The following CACNG2 variants were observed in gnomAD, a reference collection of about 807,000 sequenced individuals.
CACNG2 encodes the protein voltage-dependent calcium channel gamma-2 subunit.
CACNG2 carries 3 observed loss-of-function variants against 25.9 expected under a neutral mutation model. That is an observed-to-expected ratio of 0.12 (90% CI 0.05 to 0.30). The LOEUF (loss-of-function observed/expected upper bound fraction) is 0.30, where lower values mean the gene tolerates loss of function less well. Among genes scored for constraint, CACNG2 ranks in the 10% least tolerant of loss-of-function variants. CACNG2 has a pLI of 1.00. For synonymous variants in CACNG2, 167 were observed against 173.3 expected (o/e 0.96, Z 0.29); for missense variants, 341 against 432.5 (o/e 0.79, Z 1.88).
intron 1 of CACNG2, among the ~76,000 whole-genome samples, chr22:36,592,507 A>G (rs749967109): frequency 3.3e-5 from 5 of 152,174 alleles, no homozygotes; most frequent in Non-Finnish European, 7.3e-5. Flanking sequence ...ACAAATTAAT[A>G]GATAAGGCAA....
Position 36,566,375 on chromosome 22 carries a change from G to A in CACNG2, c.414C>T (p.Ala138=), listed in dbSNP as rs750725556. 1.9e-6 allele frequency: 3 copies of A among 1,614,024 alleles called. No homozygotes were observed. Among genetic ancestry groups the A allele is most frequent in the South Asian group, 1.1e-5 (1 of 91,092 alleles). The change falls in exon 3 of 4, where the codon GCC becomes GCT. Residue 138 remains alanine (A), a synonymous_variant. Coordinates refer to ENST00000300105, the MANE Select transcript of CACNG2 (RefSeq NM_006078.5). The part of the protein sequence containing the change: ...YKTRHNIILS[A]GIFFVSAGLS... Reference sequence around the variant, plus strand: ...TACCTGCAGACACGAAGAAGATGCCGGCACTCAGGATGATGTTGTGTCGAG... The same window carrying A: ...TACCTGCAGACACGAAGAAGATGCCAGCACTCAGGATGATGTTGTGTCGAG...
intron 1 of CACNG2, among the ~76,000 whole-genome samples, chr22:36,622,271 A>T (rs1010350044): frequency 9.9e-5 from 15 of 152,240 alleles, no homozygotes; most frequent in African/African-American, 3.6e-4. Context: ...CTCAATTATT[A>T]GTGTGCCATG....
intron 2 of CACNG2, among the ~76,000 whole-genome samples, chr22:36,575,782 T>C (rs1358751316): frequency 6.6e-6 from 1 of 152,170 alleles, no homozygotes; most frequent in African/African-American, 2.4e-5. Context: ...AGTAATGACC[T>C]TGAATCAAAA....
In CACNG2 at chr22:36,659,455, G is replaced by A. The variant is rs538649649; in HGVS notation, c.211+42911C>T. ...CTGTTTCACGTTACTTATTTCATGT[G>A]AGGAAACTGAGGCTCAGAGAGGCAA... On this transcript the variant is annotated intron_variant, in intron 1 of 3. Transcript: ENST00000300105. Among the ~76,000 whole-genome samples, 88 of 152,234 alleles carry A rather than the reference G, an allele frequency of 5.8e-4. 1 individual carries two copies. The highest frequency in any genetic ancestry group is 9.7e-4 in the Non-Finnish European group (66 of 67,998).
intron 1 of CACNG2, among the ~76,000 whole-genome samples, chr22:36,646,807 C>G (rs1021140287): frequency 1.3e-5 from 2 of 151,770 alleles, no homozygotes; most frequent in African/African-American, 4.8e-5. Context: ...TCTGGGCTCC[C>G]ATAGTATTTT....
intron 1 of CACNG2, among the ~76,000 whole-genome samples, chr22:36,676,215 C>T (rs1354182327): frequency 6.6e-6 from 1 of 152,234 alleles, no homozygotes; most frequent in East Asian, 1.9e-4. Flanking sequence ...CTTGCTCTCT[C>T]TGTAGCTGTG....
intron 1 of CACNG2, among the ~76,000 whole-genome samples, chr22:36,636,862 C>G (rs936158061): frequency 6.6e-6 from 1 of 152,254 alleles, no homozygotes. Flanking sequence ...ACTTGGAAAT[C>G]TCAGGCCTTG....
At chr22:36,566,308 C>A (rs368362923) in intron 3 of CACNG2, 45 bp downstream of exon 3, 2 of 1,607,326 alleles carry the variant, frequency 1.2e-6, no homozygotes, top group African/African-American at 2.7e-5. Flanking sequence ...AGCACCCACA[C>A]CCCAGCCTTC....
At chr22:36,683,033 C>T (rs1188920860) in intron 1 of CACNG2, among the ~76,000 whole-genome samples, 3 of 152,208 alleles carry the variant, frequency 2.0e-5, no homozygotes, top group African/African-American at 2.4e-5. Context: ...GCTCTTACAG[C>T]CAACTAGCTC....
chr22:36,564,906 G>A lies in CACNG2; in HGVS notation c.437-20C>T, dbSNP rs757373440. On this transcript the variant is annotated intron_variant, in intron 3 of 3. Coordinates refer to ENST00000300105, the MANE Select transcript of CACNG2 (RefSeq NM_006078.5). The surrounding 1 kb of genome is among the most constrained non-coding windows in gnomAD (Gnocchi z 6.7). ...TCAGACCTGCGGGGCGCAGGGTGGC[G>A]GGGTGGGGGATCAGAGAGAAGGACG... 19 of 1,605,376 alleles carry A rather than the reference G, an allele frequency of 1.2e-5. No individual in the cohort carries two copies. Among genetic ancestry groups the A allele is most frequent in the Admixed American group, 1.7e-5 (1 of 60,024 alleles).
rs1463682942 is a variant in CACNG2, at chr22:36,564,469, G to A, written c.854C>T (p.Thr285Ile). ...RDPLKAATTP[T>I]ATYNSDRDNS... ...ATCCCTGTCGGAGTTGTAGGTGGCG[G>A]TGGGCGTGGTGGCGGCCTTCAGGGG... The change falls in exon 4 of 4, where the codon ACC (threonine) becomes ATC (isoleucine). Residue 285 changes from threonine to isoleucine, a missense_variant. Physicochemically the swap from Thr to Ile is moderately conservative, Grantham distance 89. Transcript: ENST00000300105. This position sits in a 1 kb window ranked among gnomAD's most constrained non-coding sequence, Gnocchi z 6.7. 6.2e-7 allele frequency: 1 copy of A among 1,614,022 alleles called. No individual in the cohort carries two copies. Among genetic ancestry groups the A allele is most frequent in the East Asian group, 2.2e-5 (1 of 44,884 alleles).
chr22:36,691,328 T>C (rs1168964260), intron 1 of CACNG2, among the ~76,000 whole-genome samples: 1 of 152,028 alleles, frequency 6.6e-6, no homozygotes, highest in Non-Finnish European at 1.5e-5. Flanking sequence ...GGAGTATCTG[T>C]ATTCACTTCC....
chr22:36,568,921 T>G (rs774322665), intron 2 of CACNG2, among the ~76,000 whole-genome samples: 1 of 152,000 alleles, frequency 6.6e-6, no homozygotes, highest in Non-Finnish European at 1.5e-5. Context: ...CTCAGCACCC[T>G]CCTTCTCTTG....
At position 36,702,534 on chromosome 22, in the gene CACNG2, C is replaced by T. The variant is rs1937423647; in HGVS notation, c.43G>A (p.Val15Ile). ...AGGCTGAAGGCAGCGAAAGCACCAA[C>T]GGTGGTTAAAAGCATTTGAACACCT... Reference protein sequence around the residue: ...DRGVQMLLTTVGAFAAFSLMT... With the variant: ...DRGVQMLLTTIGAFAAFSLMT... The change falls in exon 1 of 4, where the codon GTT (valine) becomes ATT (isoleucine). Residue 15 changes from valine to isoleucine, a missense_variant. Val to Ile is a conservative substitution (Grantham distance 29). Transcript: ENST00000300105. 1.9e-6 allele frequency: 3 copies of T among 1,614,098 alleles called. No homozygotes were observed. Among genetic ancestry groups the T allele is most frequent in the East Asian group, 2.2e-5 (1 of 44,884 alleles).
chr22:36,596,143 G>T (rs527630635), intron 1 of CACNG2, among the ~76,000 whole-genome samples: 2 of 152,332 alleles, frequency 1.3e-5, no homozygotes, highest in South Asian at 4.1e-4. Context: ...ACGGTGGAGC[G>T]AGCTGAGGCG....
chr22:36,566,885 C>T (rs764566498), intron 2 of CACNG2, among the ~76,000 whole-genome samples: 3 of 152,252 alleles, frequency 2.0e-5, no homozygotes, highest in Non-Finnish European at 4.4e-5. Context: ...GAATGTCTTT[C>T]CTATTCTTCA....
At chr22:36,690,205 G>C (rs1937251081) in intron 1 of CACNG2, among the ~76,000 whole-genome samples, 1 of 152,208 alleles carries the variant, frequency 6.6e-6, no homozygotes, top group Non-Finnish European at 1.5e-5. Flanking sequence ...GCACGGTGGA[G>C]CGGAGCAGCC....
At chr22:36,638,871 A>G (rs956903435) in intron 1 of CACNG2, among the ~76,000 whole-genome samples, 6 of 152,212 alleles carry the variant, frequency 3.9e-5, no homozygotes, top group Admixed American at 1.3e-4. Flanking sequence ...TGTCTCTGCA[A>G]ATGTAAGTGC....
intron 2 of CACNG2, 145 bp downstream of exon 2, chr22:36,587,320 T>A: frequency 1.4e-6 from 1 of 731,466 alleles, no homozygotes; most frequent in Non-Finnish European, 2.5e-6. Flanking sequence ...TGAAGGTCTG[T>A]ACTCCGGAAA....
Sources: gnomAD v4.1 joint callset for allele counts (sites outside exome capture counted in the v4.1 genomes callset) on GRCh38, gnomAD v4.1.1 for gene constraint, Gnocchi (gnomAD v3.1) non-coding constraint, MANE v1.5 for transcripts, NCBI Gene and HGNC (gene_info 2026-07-23, HGNC 2026-07-21) for gene names.